NKAIN2: variants seen among roughly 807,000 people sequenced by gnomAD.
NKAIN2 encodes the protein sodium/potassium transporting ATPase interacting 2.
In NKAIN2, 14 loss-of-function variants were observed where a neutral mutation model predicts 32.6. The observed-to-expected ratio is 0.43, with a 90% confidence interval of 0.28 to 0.67. The LOEUF is 0.67. Among genes scored for constraint, NKAIN2 ranks in the 30% least tolerant of loss-of-function variants. NKAIN2 has a pLI of 0.17. For synonymous variants in NKAIN2, 80 were observed against 87.2 expected (o/e 0.92, Z 0.46); for missense variants, 198 against 258.3 (o/e 0.77, Z 1.60).
intron 3 of NKAIN2, among the ~76,000 whole-genome samples, chr6:124,397,190 G>A (rs996678402): frequency 8.6e-5 from 13 of 151,856 alleles, no homozygotes; most frequent in Non-Finnish European, 7.4e-5. Context: ...AACATTTATA[G>A]TGTAGTGTTC....
intron 1 of NKAIN2, among the ~76,000 whole-genome samples, chr6:124,104,001 G>T (rs113030445): frequency 2.6e-5 from 4 of 152,174 alleles, no homozygotes; most frequent in African/African-American, 9.6e-5. Context: ...CGGGACAATG[G>T]TGTGAACCTG....
chr6:124,549,256 T>C (rs1485601569), intron 3 of NKAIN2, among the ~76,000 whole-genome samples: 1 of 152,092 alleles, frequency 6.6e-6, no homozygotes, highest in East Asian at 1.9e-4. Flanking sequence ...TAATCCCAGC[T>C]ACTCAGGAGG....
In NKAIN2 at chr6:124,641,369, G is replaced by A. The variant is rs150168263; in HGVS notation, c.274-16817G>A. On this transcript the variant is annotated intron_variant, in intron 3 of 6. Transcript: ENST00000368417. ...CAGTCGCGATAAGACTTGGAAAAAAGAAATAATGGCCTTTGTTGGTACATG... is the reference window on the plus strand; with the variant it reads ...CAGTCGCGATAAGACTTGGAAAAAAAAAATAATGGCCTTTGTTGGTACATG... Among the ~76,000 whole-genome samples the A allele has an allele frequency of 3.1e-3, 466 of 152,104 alleles. 1 individual carries two copies. The highest frequency in any genetic ancestry group is 0.011 in the African/African-American group (448 of 41,522).
intron 1 of NKAIN2, among the ~76,000 whole-genome samples, chr6:124,105,429 A>G (rs1335665078): frequency 6.6e-6 from 1 of 152,116 alleles, no homozygotes; most frequent in Non-Finnish European, 1.5e-5. Flanking sequence ...GCAGCCCTGC[A>G]GGAACAAGGG....
intron 3 of NKAIN2, among the ~76,000 whole-genome samples, chr6:124,457,213 T>C (rs1349859957): frequency 6.6e-6 from 1 of 151,858 alleles, no homozygotes; most frequent in Admixed American, 6.6e-5. Flanking sequence ...CATAACTTGG[T>C]TCTCTAGGCC....
rs181967965 is a variant in NKAIN2 at position 124,732,832 on chromosome 6, A to T, written c.475-58507A>T. 1.9e-4 allele frequency among the ~76,000 whole-genome samples: 29 copies of T among 152,142 alleles called. No individual in the cohort carries two copies. In the East Asian group the frequency reaches 5.4e-3, roughly 28 times the overall value. ...AATCATTCTACTAGATATTAACCCA[A>T]CTGATTTGAAAGCTTATATCCATAT... is the stretch of plus-strand genomic sequence containing the variant. On this transcript the variant is annotated intron_variant, in intron 4 of 6. Coordinates refer to ENST00000368417, the MANE Select transcript of NKAIN2 (RefSeq NM_001040214.3).
At chr6:124,115,722 C>T (rs989548403) in intron 1 of NKAIN2, among the ~76,000 whole-genome samples, 10 of 151,974 alleles carry the variant, frequency 6.6e-5, no homozygotes, top group Non-Finnish European at 1.2e-4. Flanking sequence ...TCTAAGACAC[C>T]ATCAGTTACA....
At chr6:124,436,259 T>C (rs185741501) in intron 3 of NKAIN2, among the ~76,000 whole-genome samples, 116 of 152,288 alleles carry the variant, frequency 7.6e-4, no homozygotes, top group African/African-American at 2.6e-3. Context: ...CCCTCTGTAG[T>C]ATCAATTGTT....
At chr6:124,643,219 C>G (rs1057101350) in intron 3 of NKAIN2, among the ~76,000 whole-genome samples, 11 of 152,170 alleles carry the variant, frequency 7.2e-5, no homozygotes, top group Non-Finnish European at 1.3e-4. Context: ...ACTTAGGTCC[C>G]TCTTCAATCT....
chr6:123,866,985 T>C (rs1403032187), intron 1 of NKAIN2, among the ~76,000 whole-genome samples: 4 of 152,210 alleles, frequency 2.6e-5, no homozygotes, highest in Non-Finnish European at 2.9e-5. Context: ...CTGTGCCTTA[T>C]TTAATTAATG....
intron 1 of NKAIN2, among the ~76,000 whole-genome samples, chr6:123,994,749 A>G (rs186186390): frequency 6.6e-6 from 1 of 152,152 alleles, no homozygotes; most frequent in African/African-American, 2.4e-5. Context: ...AACGTATTAA[A>G]TGTGATATCC....
intron 3 of NKAIN2, among the ~76,000 whole-genome samples, chr6:124,394,615 T>C (rs1773294889): frequency 7.7e-6 from 1 of 129,282 alleles, no homozygotes; most frequent in South Asian, 2.4e-4. Context: ...GGTTCAAGAC[T>C]AAGAAGAGCC....
At chr6:124,465,032 C>A (rs1776688879) in intron 3 of NKAIN2, among the ~76,000 whole-genome samples, 1 of 152,052 alleles carries the variant, frequency 6.6e-6, no homozygotes, top group Non-Finnish European at 1.5e-5. Flanking sequence ...ATTATGTCCT[C>A]TCTTATTTTC....
intron 1 of NKAIN2, among the ~76,000 whole-genome samples, chr6:124,219,682 C>T (rs995944798): frequency 5.3e-5 from 8 of 152,038 alleles, no homozygotes; most frequent in African/African-American, 1.9e-4. Context: ...GTTAATCTTA[C>T]TATGATGAAG....
intron 3 of NKAIN2, among the ~76,000 whole-genome samples, chr6:124,466,527 T>C (rs1562202834): frequency 6.6e-6 from 1 of 152,086 alleles, no homozygotes; most frequent in South Asian, 2.1e-4. Flanking sequence ...CTATTAGTAC[T>C]GCTCATCCAT....
At chr6:124,081,842 T>C (rs1312352888) in intron 1 of NKAIN2, among the ~76,000 whole-genome samples, 1 of 151,888 alleles carries the variant, frequency 6.6e-6, no homozygotes, top group Admixed American at 6.6e-5. Context: ...AGTATTAAGT[T>C]TGTGAGTTGG....
chr6:123,949,246 G>A (rs1777215286), intron 1 of NKAIN2, among the ~76,000 whole-genome samples: 1 of 152,076 alleles, frequency 6.6e-6, no homozygotes, highest in Admixed American at 6.5e-5. Context: ...GAGGCCTCCA[G>A]CTTTGTTCTT....
At chr6:124,763,862 C>T (rs1778382911) in intron 4 of NKAIN2, among the ~76,000 whole-genome samples, 1 of 152,074 alleles carries the variant, frequency 6.6e-6, no homozygotes, top group Non-Finnish European at 1.5e-5. Flanking sequence ...TCTATATTAA[C>T]AGTAGTCTGT....
chr6:124,751,889 G>T (rs1445881702), intron 4 of NKAIN2, among the ~76,000 whole-genome samples: 2 of 151,824 alleles, frequency 1.3e-5, no homozygotes, highest in Non-Finnish European at 2.9e-5. Flanking sequence ...TGAGATGATG[G>T]GAGGAACTCT....
Sources: gnomAD v4.1 joint callset for allele counts (sites outside exome capture counted in the v4.1 genomes callset) on GRCh38, gnomAD v4.1.1 for gene constraint, MANE v1.5 for transcripts, NCBI Gene and HGNC (gene_info 2026-07-23, HGNC 2026-07-21) for gene names.